Variants in PCDHGA7 observed in about 807,000 individuals in gnomAD.
PCDHGA7 encodes the protein protocadherin gamma subfamily A, 7.
PCDHGA7 carries 44 observed loss-of-function variants against 58.3 expected under a neutral mutation model. That is an observed-to-expected ratio of 0.75 (90% CI 0.59 to 0.97). The LOEUF is 0.97. PCDHGA7 is among the 50% of genes least tolerant of loss of function. The pLI is 0.00. For missense variants in PCDHGA7, 1,266 were observed against 1,188.7 expected, an observed-to-expected ratio of 1.06 and a Z score of -0.96; for synonymous variants, 516 against 504.2, an observed-to-expected ratio of 1.02 and a Z score of -0.31.
Position 141,382,964 on chromosome 5 carries a change from C to T in PCDHGA7, c.65C>T (p.Thr22Ile), listed in dbSNP as rs373652237. 3 of 1,608,120 alleles carry T rather than the reference C, an allele frequency of 1.9e-6. No individual in the cohort carries two copies. The highest frequency in any genetic ancestry group is 8.5e-7 in the Non-Finnish European group (1 of 1,176,004). ...TTCCTGCTCTCCATCCTCCTGGGGA[C>T]CCCCTGGGAAGCCTGGGCAGGACGT... The part of the protein sequence containing the change: ...GFFLLSILLG[T>I]PWEAWAGRIL... Residue 22 changes from threonine (T) to isoleucine (I), a missense_variant, in exon 1 of 4, where the codon ACC becomes ATC. Coordinates refer to ENST00000518325, the MANE Select transcript of PCDHGA7 (RefSeq NM_018920.4).
chr5:141,487,001 C>T lies in PCDHGA7; in HGVS notation c.2425-7806C>T. ...TTACAATGCTTGGGTTTCCTATCAG[C>T]TCCTGGAGGCCCCAGATCCCAGCCT... On this transcript the variant is annotated intron_variant, in intron 1 of 3. Transcript: ENST00000518325. This position sits in a 1 kb window ranked among gnomAD's most constrained non-coding sequence, Gnocchi z 5.0. 6.2e-7 allele frequency: 1 copy of T among 1,614,218 alleles called. No individual in the cohort carries two copies. The highest frequency in any genetic ancestry group is 8.5e-7 in the Non-Finnish European group (1 of 1,180,038).
intron 1 of PCDHGA7, among the ~76,000 whole-genome samples, chr5:141,457,459 C>G (rs749463185): frequency 1.6e-4 from 24 of 152,166 alleles, no homozygotes; most frequent in Non-Finnish European, 3.4e-4. Context: ...CCACTTGATT[C>G]ACAGGAATAA....
chr5:141,505,705 GAA>G (rs1250788277), intron 3 of PCDHGA7, among the ~76,000 whole-genome samples: 1 of 152,198 alleles, frequency 6.6e-6, no homozygotes, highest in Non-Finnish European at 1.5e-5. Flanking sequence ...AGCGAACAAG[GAA>G]AAGACTCATG....
intron 3 of PCDHGA7, among the ~76,000 whole-genome samples, chr5:141,507,803 G>GAC (rs2099863701): frequency 6.6e-6 from 1 of 152,228 alleles, no homozygotes; most frequent in Admixed American, 6.5e-5. Flanking sequence ...CCTGCGCCCT[G>GAC]GGGAACGGAC....
chr5:141,423,756 GGGGGTGGGGC>G, intron 1 of PCDHGA7: 1 of 448,620 alleles, frequency 2.2e-6, no homozygotes, highest in Non-Finnish European at 3.0e-6. Context: ...TGTTTGGGGG[GGGGGTGGGGC>G]GGCATATATT....
In PCDHGA7 at chr5:141,512,249, T is replaced by A. The variant is rs1159090773; in HGVS notation, c.*1076T>A. 6.6e-6 allele frequency: 1 copy of A among 152,598 alleles called. No individual in the cohort carries two copies. The allele number at this position is 152,598 out of a possible 1,614,324, so 9.5% of individuals were successfully genotyped here. On this transcript the variant is annotated 3_prime_UTR_variant, in exon 4 of 4. Coordinates refer to ENST00000518325, the MANE Select transcript of PCDHGA7 (RefSeq NM_018920.4). Reference sequence around the variant, plus strand: ...CCTTGAGAGGTCAGAGGGGCCTCTGTGGGTGCTGGGTACTCCAGAGGTGCC... The same window carrying A: ...CCTTGAGAGGTCAGAGGGGCCTCTGAGGGTGCTGGGTACTCCAGAGGTGCC...
In PCDHGA7 at chr5:141,490,108, C is replaced by A; in HGVS notation, c.2425-4699C>A. The A allele has an allele frequency of 6.2e-7, 1 of 1,614,244 alleles. No homozygotes were observed. The highest frequency in any genetic ancestry group is 8.5e-7 in the Non-Finnish European group (1 of 1,180,034). On this transcript the variant is annotated intron_variant, in intron 1 of 3. Transcript: ENST00000518325. This position sits in a 1 kb window ranked among gnomAD's most constrained non-coding sequence, Gnocchi z 5.4. The stretch of plus-strand genomic sequence containing the variant: ...TGGAGACCACACATCTGAGGCAGTG[C>A]GGAACCTCTTTGGCCTAGACCCTAG...
intron 1 of PCDHGA7, among the ~76,000 whole-genome samples, chr5:141,435,264 T>C (rs1442193276): frequency 5.3e-5 from 8 of 152,222 alleles, no homozygotes; most frequent in Non-Finnish European, 8.8e-5. Context: ...GATATGTCCA[T>C]TTATACTTTC....
At chr5:141,411,890 G>T (rs2095521758) in intron 1 of PCDHGA7, 1 of 152,148 alleles carries the variant, frequency 6.6e-6, no homozygotes, top group South Asian at 2.1e-4. Context: ...AGAAATAAAT[G>T]AAATACTATT....
intron 1 of PCDHGA7, among the ~76,000 whole-genome samples, chr5:141,450,099 C>T (rs2098669229): frequency 6.6e-6 from 1 of 151,500 alleles, no homozygotes; most frequent in African/African-American, 2.4e-5. Flanking sequence ...CTCCGCCTCC[C>T]AGGTTCAAAT....
At position 141,408,970 on chromosome 5, in the gene PCDHGA7, C is replaced by T. The variant is rs755949698; in HGVS notation, c.2424+23647C>T. The stretch of plus-strand genomic sequence containing the variant: ...GAATTAGTCTTAGTGAAAATCTGCC[C>T]CCTGGGTCCCCTGTGTTGCAAGTGA... On this transcript the variant is annotated intron_variant, in intron 1 of 3. Coordinates refer to ENST00000518325, the MANE Select transcript of PCDHGA7 (RefSeq NM_018920.4). 10 of 1,613,770 alleles carry T rather than the reference C, an allele frequency of 6.2e-6. No homozygotes were observed. The South Asian group carries it at 1.1e-4, about 18-fold the overall frequency.
intron 1 of PCDHGA7, chr5:141,415,281 C>T (rs1321418691): frequency 6.2e-7 from 1 of 1,614,080 alleles, no homozygotes; most frequent in African/African-American, 1.3e-5. Context: ...TAGCGGTGGC[C>T]GCGGTCTCCT....
chr5:141,471,006 T>A (rs560578929), intron 1 of PCDHGA7, among the ~76,000 whole-genome samples: 57 of 150,804 alleles, frequency 3.8e-4, no homozygotes, highest in African/African-American at 1.3e-3. Context: ...CATGAGCCAC[T>A]GTGCCTGGTC....
At chr5:141,398,759 T>A (rs1313274991) in intron 1 of PCDHGA7, 2 of 1,613,904 alleles carry the variant, frequency 1.2e-6, no homozygotes, top group Non-Finnish European at 1.7e-6. Context: ...CATCGTTTAG[T>A]CCTGACTGCC....
intron 1 of PCDHGA7, chr5:141,423,387 G>A (rs373190092): frequency 6.2e-7 from 1 of 1,614,162 alleles, no homozygotes; most frequent in Non-Finnish European, 8.5e-7. Context: ...TGTGGCGCTG[G>A]CATAAGTCAC....
intron 1 of PCDHGA7, among the ~76,000 whole-genome samples, chr5:141,483,644 G>A (rs2099584188): frequency 6.8e-6 from 1 of 146,522 alleles, no homozygotes; most frequent in African/African-American, 2.7e-5. Context: ...AGAGGGGTGT[G>A]TGTTTGTGTG....
intron 1 of PCDHGA7, among the ~76,000 whole-genome samples, chr5:141,401,846 A>G (rs1168982151): frequency 6.6e-6 from 1 of 152,216 alleles, no homozygotes; most frequent in Non-Finnish European, 1.5e-5. Context: ...AATACCACTT[A>G]CTTTTAACCT....
intron 1 of PCDHGA7, chr5:141,419,206 G>A: frequency 1.9e-6 from 3 of 1,613,876 alleles, no homozygotes; most frequent in Non-Finnish European, 1.7e-6. Flanking sequence ...ATGACAACGC[G>A]CCGGTTTTCG....
chr5:141,395,241 A>T (rs1398967812), intron 1 of PCDHGA7: 1 of 1,571,196 alleles, frequency 6.4e-7, no homozygotes, highest in East Asian at 2.3e-5. Context: ...TGGTCAGGTG[A>T]GTTTAGTTCT....
Sources: gnomAD v4.1 joint callset for allele counts (sites outside exome capture counted in the v4.1 genomes callset) on GRCh38, gnomAD v4.1.1 for gene constraint, Gnocchi (gnomAD v3.1) non-coding constraint, MANE v1.5 for transcripts, NCBI Gene and HGNC (gene_info 2026-07-23, HGNC 2026-07-21) for gene names.